Variants in KCNQ5 observed in about 807,000 individuals in gnomAD.
KCNQ5 encodes potassium voltage-gated channel subfamily KQT member 5.
In KCNQ5, 30 loss-of-function variants were observed where a neutral mutation model predicts 98.2. The observed-to-expected ratio is 0.31, with a 90% CI of 0.23 to 0.41. The LOEUF (loss-of-function observed/expected upper bound fraction) is 0.41, where lower values mean the gene tolerates loss of function less well. Ranked by LOEUF, KCNQ5 falls within the 10% of genes least tolerant of loss-of-function variation. KCNQ5 has a pLI of 1.00. For missense variants in KCNQ5, 835 were observed against 1,182.5 expected (o/e 0.71, Z 4.31); for synonymous variants, 458 against 449.4 (o/e 1.02, Z -0.24).
At chr6:73,127,838 G>A (rs534185390) in intron 9 of KCNQ5, among the ~76,000 whole-genome samples, 1 of 152,256 alleles carries the variant, frequency 6.6e-6, no homozygotes, top group African/African-American at 2.4e-5. Context: ...CAAAGAGAGT[G>A]GATCACCTGA....
At chr6:72,994,429 G>GC (rs1469393805) in intron 1 of KCNQ5, among the ~76,000 whole-genome samples, 24 of 108,850 alleles carry the variant, frequency 2.2e-4, no homozygotes, top group Non-Finnish European at 2.9e-4. Context: ...TTTTCCAGGT[G>GC]CGTCCGTCAC....
intron 1 of KCNQ5, among the ~76,000 whole-genome samples, chr6:72,779,911 G>T (rs1486655383): frequency 6.7e-6 from 1 of 148,434 alleles, no homozygotes; most frequent in Non-Finnish European, 1.5e-5. Flanking sequence ...TATTGCCCAG[G>T]CTGGTCTCAA....
At chr6:72,823,553 C>T (rs536109215) in intron 1 of KCNQ5, among the ~76,000 whole-genome samples, 1 of 152,214 alleles carries the variant, frequency 6.6e-6, no homozygotes, top group South Asian at 2.1e-4. Flanking sequence ...TGAACATAAA[C>T]ACTTTTCCCT....
chr6:72,835,834 T>G (rs1330114387), intron 1 of KCNQ5, among the ~76,000 whole-genome samples: 1 of 152,208 alleles, frequency 6.6e-6, no homozygotes, highest in East Asian at 1.9e-4. Flanking sequence ...ATTTACTCCA[T>G]TTTACTATTG....
rs2098915427 is a variant in KCNQ5, at chr6:72,622,104, T to C, written c.-86T>C. ...GCGGGCGCCCCGTCGGCCGCCGGCT[T>C]CCTCCTTGAAACCCGCCGGCGCACA... On this transcript the variant is annotated 5_prime_UTR_variant, in exon 1 of 14. Coordinates refer to ENST00000370398, the MANE Select transcript of KCNQ5 (RefSeq NM_019842.4). This position sits in a 1 kb window ranked among gnomAD's most constrained non-coding sequence, Gnocchi z 6.0. 8.6e-7 allele frequency: 1 copy of C among 1,157,886 alleles called. No homozygotes were observed. The highest frequency in any genetic ancestry group is 3.5e-5 in the East Asian group (1 of 28,918). 71.7% of individuals were successfully genotyped at this position (1,157,886 alleles called of 1,614,324 possible).
intron 1 of KCNQ5, among the ~76,000 whole-genome samples, chr6:72,726,662 T>C (rs996514406): frequency 4.6e-5 from 7 of 152,170 alleles, no homozygotes; most frequent in Non-Finnish European, 1.0e-4. Context: ...GATGATCAGA[T>C]GATTAAAAAA....
At chr6:72,894,714 A>G (rs553482820) in intron 1 of KCNQ5, among the ~76,000 whole-genome samples, 1 of 152,312 alleles carries the variant, frequency 6.6e-6, no homozygotes, top group East Asian at 1.9e-4. Flanking sequence ...ATTCATATAA[A>G]ATTATTCCTT....
intron 1 of KCNQ5, among the ~76,000 whole-genome samples, chr6:72,948,514 A>G (rs1004570340): frequency 7.2e-5 from 11 of 152,112 alleles, no homozygotes; most frequent in African/African-American, 2.7e-4. Flanking sequence ...TAATGGATTC[A>G]CAGTCAGTAT....
At chr6:72,795,382 G>A (rs886274897) in intron 1 of KCNQ5, among the ~76,000 whole-genome samples, 2 of 152,156 alleles carry the variant, frequency 1.3e-5, no homozygotes, top group African/African-American at 4.8e-5. Flanking sequence ...CCCAACCCAA[G>A]AGGGAGCAGT....
At chr6:73,158,106 C>A in intron 10 of KCNQ5, 1 of 461,228 alleles carries the variant, frequency 2.2e-6, no homozygotes, top group East Asian at 4.7e-5. Context: ...CAGGTGCTGC[C>A]GCCGCGCTCG....
At chr6:73,165,255 G>T (rs1371750397) in intron 10 of KCNQ5, among the ~76,000 whole-genome samples, 1 of 152,088 alleles carries the variant, frequency 6.6e-6, no homozygotes, top group Non-Finnish European at 1.5e-5. Flanking sequence ...CAAAGTGCAG[G>T]ATTAAAGGAA....
chr6:72,625,319 T>C (rs536397472), intron 1 of KCNQ5, among the ~76,000 whole-genome samples: 2 of 152,336 alleles, frequency 1.3e-5, no homozygotes, highest in South Asian at 4.1e-4. Flanking sequence ...TTCAAATATT[T>C]TCCCTTAAAC....
At chr6:73,087,840 G>T (rs1774054384) in intron 5 of KCNQ5, among the ~76,000 whole-genome samples, 1 of 152,046 alleles carries the variant, frequency 6.6e-6, no homozygotes, top group South Asian at 2.1e-4. Context: ...TGGCATCATA[G>T]AATTTGTCTC....
intron 1 of KCNQ5, among the ~76,000 whole-genome samples, chr6:72,901,101 T>G (rs1336953671): frequency 1.3e-5 from 2 of 151,732 alleles, no homozygotes; most frequent in Non-Finnish European, 2.9e-5. Context: ...ACCTTAGGTA[T>G]ATCTCCTAAC....
chr6:73,061,153 A>G (rs558607186), intron 3 of KCNQ5, among the ~76,000 whole-genome samples: 1 of 152,230 alleles, frequency 6.6e-6, no homozygotes, highest in Non-Finnish European at 1.5e-5. Context: ...AATACTGCAT[A>G]TATAGTGTGC....
At chr6:73,045,182 G>A (rs1158382226) in intron 3 of KCNQ5, among the ~76,000 whole-genome samples, 1 of 152,048 alleles carries the variant, frequency 6.6e-6, no homozygotes. Flanking sequence ...AAAACCAAGA[G>A]CATTTCAAAA....
At chr6:72,690,546 A>G (rs534718412) in intron 1 of KCNQ5, among the ~76,000 whole-genome samples, 29 of 152,304 alleles carry the variant, frequency 1.9e-4, no homozygotes, top group Admixed American at 1.1e-3. Flanking sequence ...TACTTAATGT[A>G]AAACATTGGT....
At chr6:72,972,288 G>A (rs1391817209) in intron 1 of KCNQ5, among the ~76,000 whole-genome samples, 1 of 151,848 alleles carries the variant, frequency 6.6e-6, no homozygotes, top group Non-Finnish European at 1.5e-5. Context: ...ATTTACTAGT[G>A]AATAGATGAA....
chr6:72,726,894 C>T (rs192205588), intron 1 of KCNQ5, among the ~76,000 whole-genome samples: 5 of 152,106 alleles, frequency 3.3e-5, no homozygotes, highest in Admixed American at 1.3e-4. Context: ...CAGGTTGCAG[C>T]GCAGTGGCGT....
Sources: allele counts gnomAD v4.1 joint callset (sites outside exome capture counted in the v4.1 genomes callset), GRCh38; gene constraint gnomAD v4.1.1; non-coding constraint Gnocchi (gnomAD v3.1); transcripts MANE v1.5; gene names NCBI Gene and HGNC (gene_info 2026-07-23, HGNC 2026-07-21).